Variants in LRP1B observed in about 807,000 individuals in gnomAD.
The protein encoded by LRP1B is LDL receptor related protein 1B, also known as low-density lipoprotein receptor-related protein 1B.
A neutral mutation model predicts 556.6 loss-of-function variants in LRP1B; 217 were observed. The ratio of observed to expected loss-of-function variants is 0.39; its 90% CI spans 0.35 to 0.44. The LOEUF is 0.44. LRP1B is among the 20% of genes least tolerant of loss of function. LRP1B has a pLI of 1.00. For missense variants in LRP1B, 5,053 were observed against 5,620.8 expected (o/e 0.90, Z 3.23); for synonymous variants, 2,047 against 1,865.8 (o/e 1.10, Z -2.50).
intron 6 of LRP1B, among the ~76,000 whole-genome samples, chr2:141,225,800 T>C (rs1286653464): frequency 6.6e-6 from 1 of 152,144 alleles, no homozygotes; most frequent in Non-Finnish European, 1.5e-5. Flanking sequence ...AGGAATGATG[T>C]ACAATGTTAA....
At chr2:141,785,184 C>T (rs890875306) in intron 2 of LRP1B, among the ~76,000 whole-genome samples, 7 of 151,916 alleles carry the variant, frequency 4.6e-5, no homozygotes, top group African/African-American at 1.7e-4. Context: ...TTCCATATTC[C>T]TTTTTTCCCC....
intron 1 of LRP1B, among the ~76,000 whole-genome samples, chr2:141,941,797 A>G (rs1700812978): frequency 6.6e-6 from 1 of 152,176 alleles, no homozygotes; most frequent in Non-Finnish European, 1.5e-5. Context: ...GTCCATGTCA[A>G]ATATTCACTT....
intron 2 of LRP1B, among the ~76,000 whole-genome samples, chr2:141,681,362 G>A (rs355556): frequency 0.45 from 67,563 of 151,466 alleles, 15,611 homozygotes; most frequent in East Asian, 0.58. Context: ...AAAATTCAAG[G>A]TAAGTCTCAG....
At chr2:141,670,375 C>T (rs1342525126) in intron 2 of LRP1B, among the ~76,000 whole-genome samples, 1 of 152,120 alleles carries the variant, frequency 6.6e-6, no homozygotes, top group Non-Finnish European at 1.5e-5. Flanking sequence ...AAAAATAACA[C>T]TTTATTTTTA....
chr2:140,646,885 CACATAT>C (rs1227827238), intron 41 of LRP1B, among the ~76,000 whole-genome samples: 1 of 151,852 alleles, frequency 6.6e-6, no homozygotes, highest in Admixed American at 6.6e-5. Context: ...CATACCTATA[CACATAT>C]ATATGTACAT....
chr2:141,390,617 T>A (rs1377808587), intron 3 of LRP1B, among the ~76,000 whole-genome samples: 1 of 152,230 alleles, frequency 6.6e-6, no homozygotes, highest in Non-Finnish European at 1.5e-5. Context: ...AATGAAGTAC[T>A]GATACATTCT....
intron 2 of LRP1B, among the ~76,000 whole-genome samples, chr2:141,639,306 A>G (rs55993003): frequency 0.09 from 703 of 7,794 alleles, 17 homozygotes; most frequent in Middle Eastern, 0.2. Flanking sequence ...TCATGTGTGT[A>G]TATATATATA....
intron 43 of LRP1B, among the ~76,000 whole-genome samples, chr2:140,547,015 TAG>T (rs550150682): frequency 3.9e-5 from 6 of 152,108 alleles, no homozygotes; most frequent in Non-Finnish European, 8.8e-5. Context: ...TACTTGATTG[TAG>T]GATAAGCTTT....
chr2:142,083,859 C>T (rs779428042), intron 1 of LRP1B, among the ~76,000 whole-genome samples: 3 of 152,136 alleles, frequency 2.0e-5, no homozygotes, highest in African/African-American at 4.8e-5. Flanking sequence ...CAAGCAAATT[C>T]AATGAAACTA....
chr2:140,947,602 ATC>A (rs1397890611), intron 20 of LRP1B, among the ~76,000 whole-genome samples: 3 of 152,204 alleles, frequency 2.0e-5, no homozygotes, highest in African/African-American at 7.2e-5. Context: ...AGCTTTAACA[ATC>A]TGTGTCATTT....
intron 2 of LRP1B, among the ~76,000 whole-genome samples, chr2:141,553,414 C>T (rs1211453469): frequency 6.6e-6 from 1 of 151,570 alleles, no homozygotes; most frequent in African/African-American, 2.4e-5. Flanking sequence ...TGGGTATCTT[C>T]ATGAACTCTC....
At chr2:141,627,122 A>C (rs549935506) in intron 2 of LRP1B, among the ~76,000 whole-genome samples, 4 of 152,364 alleles carry the variant, frequency 2.6e-5, no homozygotes, top group South Asian at 4.1e-4. Context: ...TGCTAAAAAG[A>C]AGCAGCTATC....
intron 2 of LRP1B, among the ~76,000 whole-genome samples, chr2:141,492,770 A>G (rs1683380069): frequency 1.3e-5 from 2 of 152,172 alleles, no homozygotes; most frequent in Non-Finnish European, 2.9e-5. Flanking sequence ...CTCAATTTAA[A>G]AGTCATAGGA....
intron 7 of LRP1B, among the ~76,000 whole-genome samples, chr2:141,129,647 T>C (rs1193105830): frequency 6.6e-6 from 1 of 152,018 alleles, no homozygotes; most frequent in African/African-American, 2.4e-5. Flanking sequence ...GATATAAATC[T>C]GTAAAATTAC....
intron 3 of LRP1B, among the ~76,000 whole-genome samples, chr2:141,263,038 T>A (rs12620489): frequency 1.3e-5 from 2 of 151,924 alleles, no homozygotes; most frequent in African/African-American, 4.8e-5. Context: ...TAGGTATATA[T>A]GCATTTATTT....
Position 140,449,933 on chromosome 2 carries a change from A to G in LRP1B, c.10057+635T>C, listed in dbSNP as rs541088216. Among the ~76,000 whole-genome samples, 3 of 152,296 alleles carry G rather than the reference A, an allele frequency of 2.0e-5. No homozygotes were observed. In the South Asian group the frequency reaches 6.2e-4, roughly 32 times the overall value. Reference sequence around the variant, plus strand: ...TGGAGTGAAGTACAAAAGGCTATCAAGGAAAAGTCTGCTGATGTCCCATTA... The same window carrying G: ...TGGAGTGAAGTACAAAAGGCTATCAGGGAAAAGTCTGCTGATGTCCCATTA... On this transcript the variant is annotated intron_variant, in intron 63 of 90. Transcript: ENST00000389484.
At chr2:140,773,183 C>T (rs192911456) in intron 33 of LRP1B, among the ~76,000 whole-genome samples, 27 of 152,164 alleles carry the variant, frequency 1.8e-4, no homozygotes, top group African/African-American at 6.3e-4. Context: ...GAGAATGTGG[C>T]TAGGGGCGCG....
chr2:140,779,658 G>A (rs1689621649), intron 32 of LRP1B, among the ~76,000 whole-genome samples: 1 of 140,732 alleles, frequency 7.1e-6, no homozygotes, highest in South Asian at 2.2e-4. Context: ...TCGTGCCACT[G>A]CACTCGAGCC....
rs2105117561 is a variant in LRP1B at position 140,850,165 on chromosome 2, T to C, written c.4876A>G (p.Lys1626Glu). The change falls in exon 29 of 91, where the codon AAA becomes GAA. Residue 1626 changes from lysine to glutamate, a missense_variant. By Grantham distance (56) the Lys-to-Glu change is moderately conservative (BLOSUM62 1). Around this residue, in one of 5 missense-constraint regions of LRP1B, gnomAD observed 3,619 missense variants for 3,931.9 expected, o/e 0.92. Coordinates refer to ENST00000389484, the MANE Select transcript of LRP1B (RefSeq NM_018557.3). Reference protein sequence around the residue: ...SEERLYWTDIKTQTIKRAFIN... With the variant: ...SEERLYWTDIETQTIKRAFIN... Reference sequence around the variant, plus strand: ...AAAGCTCGTTTAATGGTTTGTGTTTTAATATCTGTCCAGTATAAACGTTCC... The same window carrying C: ...AAAGCTCGTTTAATGGTTTGTGTTTCAATATCTGTCCAGTATAAACGTTCC... The C allele has an allele frequency of 6.2e-7, 1 of 1,613,894 alleles. No homozygotes were observed. Among genetic ancestry groups the C allele is most frequent in the Non-Finnish European group, 8.5e-7 (1 of 1,179,856 alleles).
Sources: gnomAD v4.1 joint callset for allele counts (sites outside exome capture counted in the v4.1 genomes callset) on GRCh38, gnomAD v4.1.1 for gene constraint, gnomAD v4.1.1 regional missense constraint, MANE v1.5 for transcripts, NCBI Gene and HGNC (gene_info 2026-07-23, HGNC 2026-07-21) for gene names.